Variants in LRRC39 observed in about 807,000 individuals in gnomAD.
LRRC39 encodes the protein leucine rich repeat containing 39.
In LRRC39, 35 loss-of-function variants were observed where a neutral mutation model predicts 39.7. That is an observed-to-expected ratio of 0.88 (90% CI 0.67 to 1.17). The LOEUF is 1.17. LRRC39 is among the 50% of genes most tolerant of loss of function. The pLI is 0.00. For synonymous variants in LRRC39, 113 were observed against 134.1 expected (o/e 0.84, Z 1.09); for missense variants, 357 against 385.8 (o/e 0.93, Z 0.62).
chr1:100,177,252 C>G (rs773101966), intron 1 of LRRC39, among the ~76,000 whole-genome samples: 1 of 152,086 alleles, frequency 6.6e-6, no homozygotes. Flanking sequence ...ATGATTACTT[C>G]TAGGGAGCAG....
At chr1:100,168,734 A>G in intron 2 of LRRC39, 140 bp from the exon 3 acceptor site, 1 of 424,578 alleles carries the variant, frequency 2.4e-6, no homozygotes, top group Non-Finnish European at 4.1e-6. Context: ...CATATTTAAA[A>G]ACTCTCATAA....
At chr1:100,172,359 A>G (rs1271793951) in intron 2 of LRRC39, among the ~76,000 whole-genome samples, 2 of 152,206 alleles carry the variant, frequency 1.3e-5, no homozygotes, top group African/African-American at 4.8e-5. Flanking sequence ...GTCCTAAACC[A>G]TATACTGGCA....
At chr1:100,175,960 A>G (rs1659929229) in intron 1 of LRRC39, among the ~76,000 whole-genome samples, 1 of 152,238 alleles carries the variant, frequency 6.6e-6, no homozygotes, top group Non-Finnish European at 1.5e-5. Flanking sequence ...ATTAGTATTA[A>G]CTATTTTGAA....
chr1:100,152,411 T>C lies in LRRC39; in HGVS notation c.926A>G (p.Tyr309Cys). Residue 309 changes from tyrosine (Y) to cysteine (C), a missense_variant, in exon 9 of 10, where the codon TAC (tyrosine) becomes TGC (cysteine). By Grantham distance (194) the Tyr-to-Cys change is radical (BLOSUM62 -2). Transcript: ENST00000370137. Reference protein sequence around the residue: ...ELFGLQFMHTYIQESRRRADH... With the variant: ...ELFGLQFMHTCIQESRRRADH... ...TGCTCTTCTCCGTGACTCTTGTATG[T>C]ATGTGTGCATAAACTGAAGGCCAAA... The C allele has an allele frequency of 6.2e-7, 1 of 1,614,090 alleles. No homozygotes were observed. Among genetic ancestry groups the C allele is most frequent in the Non-Finnish European group, 8.5e-7 (1 of 1,179,976 alleles).
intron 8 of LRRC39, among the ~76,000 whole-genome samples, chr1:100,153,926 T>A (rs1658257861): frequency 6.6e-6 from 1 of 152,156 alleles, no homozygotes; most frequent in African/African-American, 2.4e-5. Context: ...CTAATATATC[T>A]GCTATCAATA....
chr1:100,157,253 G>A (rs187140480), intron 6 of LRRC39, among the ~76,000 whole-genome samples: 12 of 152,242 alleles, frequency 7.9e-5, no homozygotes, highest in African/African-American at 7.2e-5. Flanking sequence ...GAATCATGGC[G>A]ATGGTTTCCC....
chr1:100,153,772 G>GT (rs1219335846), intron 8 of LRRC39, among the ~76,000 whole-genome samples: 1 of 151,926 alleles, frequency 6.6e-6, no homozygotes, highest in Non-Finnish European at 1.5e-5. Context: ...TTTTTGTTTT[G>GT]TTTTTAAGAA....
chr1:100,152,150 T>G (rs987374721), intron 9 of LRRC39, among the ~76,000 whole-genome samples: 1 of 152,316 alleles, frequency 6.6e-6, no homozygotes, highest in Non-Finnish European at 1.5e-5. Context: ...CTTCAGATGC[T>G]TAGCCAAAGG....
At chr1:100,163,603 A>C (rs556465249) in intron 3 of LRRC39, among the ~76,000 whole-genome samples, 1 of 151,856 alleles carries the variant, frequency 6.6e-6, no homozygotes, top group African/African-American at 2.4e-5. Flanking sequence ...TCTAAAAAAA[A>C]AAAAAAAAAA....
At position 100,158,350 on chromosome 1, in the gene LRRC39, G is replaced by A. The variant is rs1322349657; in HGVS notation, c.394C>T (p.Gln132Ter). The change falls in exon 6 of 10, where the codon CAG becomes TAG. Residue 132 changes from glutamine to a stop codon, truncating the protein, a stop_gained. Coordinates refer to ENST00000370137, the MANE Select transcript of LRRC39 (RefSeq NM_144620.4). LOFTEE classifies it high-confidence loss of function. ...TTGTTGTAGCTGAGAATCAGTTCCT[G>A]AAGTCTAGTAAGCAGTCCTATAAAA... is the stretch of plus-strand genomic sequence containing the variant. Reference protein sequence around the residue: ...PPGIGLLTRLQELILSYNKIK... With the variant: ...PPGIGLLTRL 1.9e-6 allele frequency: 3 copies of A among 1,613,358 alleles called. No individual in the cohort carries two copies. The highest frequency in any genetic ancestry group is 2.2e-5 in the South Asian group (2 of 91,048).
rs1658369850 is a variant in LRRC39 at position 100,155,142 on chromosome 1, T to C, written c.721A>G (p.Ile241Val). ...GTACCCAGATTTTTCATATTGCTGATTGTTTGAGGCAAGCATGTTATTTCA... is the reference window on the plus strand; with the variant it reads ...GTACCCAGATTTTTCATATTGCTGACTGTTTGAGGCAAGCATGTTATTTCA... ...RNEITCLPQT[I>V]SNMKNLGTLV... Residue 241 changes from isoleucine to valine, a missense_variant, in exon 8 of 10, where the codon ATC (isoleucine) becomes GTC (valine). Transcript: ENST00000370137. 4.3e-6 allele frequency: 7 copies of C among 1,610,822 alleles called. No homozygotes were observed. Among genetic ancestry groups the C allele is most frequent in the Non-Finnish European group, 5.9e-6 (7 of 1,178,670 alleles).
intron 9 of LRRC39, chr1:100,150,528 A>C (rs893941376): frequency 2.0e-5 from 3 of 152,192 alleles, no homozygotes; most frequent in Non-Finnish European, 4.4e-5. Flanking sequence ...TAAAATATAC[A>C]TACACACCCA....
In LRRC39 at chr1:100,158,226, C is replaced by G. The variant is rs755905344; in HGVS notation, c.513+5G>C. 4.3e-6 allele frequency: 7 copies of G among 1,613,362 alleles called. No individual in the cohort carries two copies. In the Admixed American group the frequency reaches 1.2e-4, roughly 27 times the overall value. ...TACAATCATAGGCATTTATGTCTTT[C>G]TAACCTCTTGTGGAAGATCACATAT... On this transcript the variant is annotated splice_donor_5th_base_variant and intron_variant, in intron 6 of 9. Coordinates refer to ENST00000370137, the MANE Select transcript of LRRC39 (RefSeq NM_144620.4).
chr1:100,159,438 T>G (rs755520595), intron 4 of LRRC39, 23 bp from the exon 5 acceptor site: 2 of 1,554,388 alleles, frequency 1.3e-6, no homozygotes, highest in Non-Finnish European at 1.7e-6. Context: ...AAATGATGGT[T>G]GTTGTATATT....
At chr1:100,177,386 G>A (rs1660036645) in intron 1 of LRRC39, among the ~76,000 whole-genome samples, 1 of 152,134 alleles carries the variant, frequency 6.6e-6, no homozygotes, top group African/African-American at 2.4e-5. Flanking sequence ...AAAGAAAGAG[G>A]AGAACTATAT....
intron 1 of LRRC39, among the ~76,000 whole-genome samples, chr1:100,173,840 C>T (rs1659787931): frequency 6.6e-6 from 1 of 151,976 alleles, no homozygotes; most frequent in South Asian, 2.1e-4. Flanking sequence ...GAAAAATATA[C>T]TATTTTCAAT....
At chr1:100,170,759 G>C (rs1027017275) in intron 2 of LRRC39, among the ~76,000 whole-genome samples, 2 of 150,882 alleles carry the variant, frequency 1.3e-5, no homozygotes, top group Non-Finnish European at 2.9e-5. Context: ...TATCACCCAG[G>C]CTACAATATA....
Position 100,149,068 on chromosome 1 carries a change from G to C in LRRC39, c.982C>G (p.Pro328Ala). ...TATCCATCCGTATTTATGGAGATTG[G>C]TAAAGTAGTTGAACCGTTGACTTGG... is the stretch of plus-strand genomic sequence containing the variant. ...DHQVNGSTTL[P>A]ISINTDG The change falls in exon 10 of 10, where the codon CCA becomes GCA. Residue 328 changes from proline (P) to alanine (A), a missense_variant. Physicochemically the swap from Pro to Ala is conservative, Grantham distance 27. Coordinates refer to ENST00000370137, the MANE Select transcript of LRRC39 (RefSeq NM_144620.4). The C allele has an allele frequency of 1.2e-6, 2 of 1,602,164 alleles. No homozygotes were observed. The highest frequency in any genetic ancestry group is 2.7e-5 in the African/African-American group (2 of 74,634).
intron 3 of LRRC39, among the ~76,000 whole-genome samples, chr1:100,165,661 T>C (rs567952080): frequency 3.3e-5 from 5 of 152,268 alleles, no homozygotes; most frequent in Admixed American, 3.3e-4. Context: ...GAATATCAAT[T>C]GCTTCCAAGT....
Sources: gnomAD v4.1 joint callset for allele counts (sites outside exome capture counted in the v4.1 genomes callset) on GRCh38, gnomAD v4.1.1 for gene constraint, MANE v1.5 for transcripts, NCBI Gene and HGNC (gene_info 2026-07-23, HGNC 2026-07-21) for gene names.